SCRG1: variants seen among roughly 807,000 people sequenced by gnomAD.
The protein encoded by SCRG1 is stimulator of chondrogenesis 1.
Under a neutral mutation model 7.7 loss-of-function variants are expected in SCRG1, and 3 were observed. The ratio of observed to expected loss-of-function variants is 0.39; its 90% CI spans 0.18 to 1.01. The LOEUF is 1.01. Ranked by LOEUF, SCRG1 falls within the 50% of genes least tolerant of loss-of-function variation. The probability of loss-of-function intolerance (pLI) is 0.36; values close to 1 mark genes in which losing one functional copy is unlikely to be tolerated. For synonymous variants in SCRG1, 46 were observed against 41.2 expected (o/e 1.12, Z -0.44); for missense variants, 110 against 117.2 (o/e 0.94, Z 0.28).
chr4:173,511,264 C>T, the SCRG1 span, among the ~76,000 whole-genome samples: 1 of 152,116 alleles, frequency 6.6e-6, no homozygotes, highest in Non-Finnish European at 1.5e-5. This position sits in a 1 kb window ranked among gnomAD's most constrained non-coding sequence, Gnocchi z 5.2. Context: ...AGGCGTGAGC[C>T]ACCGCGCGCC....
chr4:173,498,343 A>T, the SCRG1 span, among the ~76,000 whole-genome samples: 1 of 152,216 alleles, frequency 6.6e-6, no homozygotes, highest in Non-Finnish European at 1.5e-5. Context: ...CCTGGTCTGA[A>T]TGAGAAAGCC....
the SCRG1 span, among the ~76,000 whole-genome samples, chr4:173,485,017 A>T: frequency 2.2e-3 from 60 of 27,380 alleles, no homozygotes; most frequent in African/African-American, 8.5e-3. Flanking sequence ...ATAATATATA[A>T]TATATAATAT....
chr4:173,424,307 A>T, the SCRG1 span, among the ~76,000 whole-genome samples: 1 of 152,254 alleles, frequency 6.6e-6, no homozygotes, highest in Admixed American at 6.5e-5. Flanking sequence ...TCTTAAAAAA[A>T]TAGAAATTGT....
the SCRG1 span, among the ~76,000 whole-genome samples, chr4:173,450,630 C>T: frequency 0.29 from 43,975 of 152,020 alleles, 6,778 homozygotes; most frequent in South Asian, 0.47. Context: ...GGCTCCTTGA[C>T]GGTCCCTTAG....
the SCRG1 span, among the ~76,000 whole-genome samples, chr4:173,483,484 A>ATT: frequency 6.5e-5 from 4 of 61,622 alleles, no homozygotes; most frequent in African/African-American, 3.7e-4. Flanking sequence ...TCTGATATAT[A>ATT]ATATATTATA....
chr4:173,400,933 A>G (rs568064839), upstream of SCRG1, among the ~76,000 whole-genome samples: 4 of 152,354 alleles, frequency 2.6e-5, no homozygotes, highest in South Asian at 2.1e-4. Flanking sequence ...CTGGGAAGGA[A>G]ACTGAGAAGA....
chr4:173,448,635 AT>A, the SCRG1 span, among the ~76,000 whole-genome samples: 2 of 152,088 alleles, frequency 1.3e-5, no homozygotes, highest in East Asian at 3.8e-4. Context: ...ATTTTTATTT[AT>A]TTTTGCATTC....
At chr4:173,486,602 C>T in the SCRG1 span, among the ~76,000 whole-genome samples, 4 of 152,162 alleles carry the variant, frequency 2.6e-5, no homozygotes, top group African/African-American at 9.7e-5. Context: ...CAGCTTCCTA[C>T]CCAAAGACAC....
chr4:173,388,777 G>C (rs866363407), intron 2 of SCRG1, among the ~76,000 whole-genome samples: 1 of 152,082 alleles, frequency 6.6e-6, no homozygotes, highest in Non-Finnish European at 1.5e-5. Flanking sequence ...TAAATTTCTA[G>C]GTTTTATGGG....
At chr4:173,390,484 T>G (rs1267223584) in intron 2 of SCRG1, among the ~76,000 whole-genome samples, 1 of 149,462 alleles carries the variant, frequency 6.7e-6, no homozygotes, top group African/African-American at 2.4e-5. Context: ...TTTTTTTTTT[T>G]TTTTTGAGAT....
At chr4:173,515,463 G>C in the SCRG1 span, among the ~76,000 whole-genome samples, 1 of 151,966 alleles carries the variant, frequency 6.6e-6, no homozygotes, top group Admixed American at 6.6e-5. This position sits in a 1 kb window ranked among gnomAD's most constrained non-coding sequence, Gnocchi z 4.6. Context: ...CCTGGAGTGG[G>C]AATATCCAAA....
the SCRG1 span, among the ~76,000 whole-genome samples, chr4:173,484,079 T>C: frequency 2.3e-5 from 2 of 88,050 alleles, no homozygotes; most frequent in African/African-American, 9.8e-5. Flanking sequence ...ATACATGATA[T>C]AATATATAAT....
chr4:173,503,427 C>T, the SCRG1 span, among the ~76,000 whole-genome samples: 8 of 152,106 alleles, frequency 5.3e-5, no homozygotes, highest in Admixed American at 3.9e-4. This position sits in a 1 kb window ranked among gnomAD's most constrained non-coding sequence, Gnocchi z 6.4. Flanking sequence ...TTCAAAAACT[C>T]ACTTGTAAGA....
the SCRG1 span, among the ~76,000 whole-genome samples, chr4:173,411,587 A>T: frequency 2.6e-5 from 4 of 152,224 alleles, no homozygotes; most frequent in African/African-American, 9.7e-5. Flanking sequence ...TAATAAATAA[A>T]TGTATTTCTA....
chr4:173,503,728 T>A, the SCRG1 span, among the ~76,000 whole-genome samples: 1 of 152,208 alleles, frequency 6.6e-6, no homozygotes, highest in African/African-American at 2.4e-5. This position sits in a 1 kb window ranked among gnomAD's most constrained non-coding sequence, Gnocchi z 6.4. Flanking sequence ...CAGATGTGCC[T>A]GACTCTGAAT....
the SCRG1 span, among the ~76,000 whole-genome samples, chr4:173,518,046 G>A: frequency 1.3e-5 from 2 of 152,264 alleles, no homozygotes; most frequent in Non-Finnish European, 2.9e-5. Flanking sequence ...TGTGGGAGGA[G>A]GCTGCCCTAG....
At chr4:173,510,677 G>A in the SCRG1 span, among the ~76,000 whole-genome samples, 1 of 152,044 alleles carries the variant, frequency 6.6e-6, no homozygotes, top group East Asian at 1.9e-4. The surrounding 1 kb of genome is among the most constrained non-coding windows in gnomAD (Gnocchi z 5.7). Flanking sequence ...ACTCTAGTTG[G>A]GATATAGCCT....
upstream of SCRG1, among the ~76,000 whole-genome samples, chr4:173,400,133 AG>A (rs1469288264): frequency 6.6e-6 from 1 of 152,218 alleles, no homozygotes; most frequent in Admixed American, 6.5e-5. Context: ...GCAGTGTGAA[AG>A]AAGGATGGTT....
At chr4:173,456,577 C>T in the SCRG1 span, among the ~76,000 whole-genome samples, 6 of 152,140 alleles carry the variant, frequency 3.9e-5, no homozygotes, top group African/African-American at 1.4e-4. Context: ...ATTTTTTAAA[C>T]CTCAAACTTT....
Sources: gnomAD v4.1 joint callset for allele counts (sites outside exome capture counted in the v4.1 genomes callset) on GRCh38, gnomAD v4.1.1 for gene constraint, Gnocchi (gnomAD v3.1) non-coding constraint, MANE v1.5 for transcripts, NCBI Gene and HGNC (gene_info 2026-07-23, HGNC 2026-07-21) for gene names.